PCSK2: variants seen among roughly 807,000 people sequenced by gnomAD.
The protein encoded by PCSK2 is neuroendocrine convertase 2.
A neutral mutation model predicts 69.7 loss-of-function variants in PCSK2; 14 were observed. The ratio of observed to expected loss-of-function variants is 0.20; its 90% CI spans 0.13 to 0.31. The LOEUF (loss-of-function observed/expected upper bound fraction) is 0.31. Among genes scored for constraint, PCSK2 ranks in the 10% least tolerant of loss-of-function variants. The probability of loss-of-function intolerance (pLI) is 1.00; values close to 1 mark genes in which losing one functional copy is unlikely to be tolerated. For synonymous variants in PCSK2, 307 were observed against 320.7 expected, an observed-to-expected ratio of 0.96 and a Z score of 0.46; for missense variants, 544 against 842.5, an observed-to-expected ratio of 0.65 and a Z score of 4.39.
chr20:17,395,559 C>T (rs1402813205), intron 5 of PCSK2, among the ~76,000 whole-genome samples: 1 of 152,176 alleles, frequency 6.6e-6, no homozygotes, highest in Non-Finnish European at 1.5e-5. Context: ...ATTACATAAT[C>T]TCATGGAGAC....
intron 5 of PCSK2, among the ~76,000 whole-genome samples, chr20:17,387,876 G>T (rs897341782): frequency 1.6e-4 from 25 of 152,300 alleles, no homozygotes; most frequent in African/African-American, 6.0e-4. Context: ...AAATAATTAT[G>T]ATCTAGGTGC....
chr20:17,459,836 T>C (rs1161306677), intron 10 of PCSK2, among the ~76,000 whole-genome samples: 1 of 152,172 alleles, frequency 6.6e-6, no homozygotes, highest in African/African-American at 2.4e-5. Context: ...ATCTGTGAAC[T>C]AGGGTGTGAG....
chr20:17,473,371 G>A (rs369818513), intron 11 of PCSK2, among the ~76,000 whole-genome samples: 1 of 152,070 alleles, frequency 6.6e-6, no homozygotes, highest in Non-Finnish European at 1.5e-5. Flanking sequence ...GATTACAGGC[G>A]TGAGCCTCCG....
intron 11 of PCSK2, among the ~76,000 whole-genome samples, chr20:17,473,657 G>A (rs6075215): frequency 0.15 from 22,835 of 152,086 alleles, 2,028 homozygotes; most frequent in Middle Eastern, 0.21. Flanking sequence ...ATCAGAAAAT[G>A]CAAGTGAGCA....
At chr20:17,467,535 T>C (rs996924910) in intron 11 of PCSK2, among the ~76,000 whole-genome samples, 3 of 152,256 alleles carry the variant, frequency 2.0e-5, no homozygotes, top group African/African-American at 7.2e-5. Flanking sequence ...AGCTCTTTGA[T>C]GACAAAGTCC....
At position 17,456,410 on chromosome 20, in the gene PCSK2, C is replaced by T. The variant is rs574761340; in HGVS notation, c.1164C>T (p.Pro388=). The T allele has an allele frequency of 2.5e-5, 41 of 1,610,524 alleles. No homozygotes were observed. The Middle Eastern group carries it at 8.3e-4, about 32-fold the overall frequency. ...ATTCTGGGACATCTGCAGCTGCCCC[C>T]GAGGCAGCTGGTGTGTTTGCACTGG... ...LRHSGTSAAA[P]EAAGVFALAL... The change falls in exon 10 of 12, where the codon CCC becomes CCT. Residue 388 remains proline, a synonymous_variant. Coordinates refer to ENST00000262545, the MANE Select transcript of PCSK2 (RefSeq NM_002594.5).
intron 5 of PCSK2, among the ~76,000 whole-genome samples, chr20:17,406,907 A>G (rs1203897250): frequency 3.3e-5 from 5 of 151,980 alleles, no homozygotes; most frequent in Admixed American, 3.3e-4. Flanking sequence ...AGAGAGGGAG[A>G]CGGGGACCTA....
intron 2 of PCSK2, among the ~76,000 whole-genome samples, chr20:17,324,547 A>C (rs1450858378): frequency 6.6e-6 from 1 of 152,174 alleles, no homozygotes; most frequent in Admixed American, 6.5e-5. Flanking sequence ...CCCTACCATA[A>C]GAACCATCGA....
At chr20:17,475,676 T>C (rs1359429822) in intron 11 of PCSK2, among the ~76,000 whole-genome samples, 1 of 152,234 alleles carries the variant, frequency 6.6e-6, no homozygotes, top group Non-Finnish European at 1.5e-5. Flanking sequence ...TCTGTCACTA[T>C]GACTCCAGTC....
At chr20:17,412,984 G>A (rs1200000189) in intron 6 of PCSK2, among the ~76,000 whole-genome samples, 3 of 152,284 alleles carry the variant, frequency 2.0e-5, no homozygotes, top group East Asian at 1.9e-4. Flanking sequence ...CAAATGCTGA[G>A]AGATTTTGTC....
At chr20:17,295,499 T>A (rs1988861069) in intron 2 of PCSK2, among the ~76,000 whole-genome samples, 1 of 148,094 alleles carries the variant, frequency 6.8e-6, no homozygotes, top group Admixed American at 6.8e-5. Context: ...TTATTTATTA[T>A]TTATTTATTG....
chr20:17,468,673 T>G (rs934565956), intron 11 of PCSK2, among the ~76,000 whole-genome samples: 1 of 146,114 alleles, frequency 6.8e-6, no homozygotes, highest in Non-Finnish European at 1.5e-5. Flanking sequence ...TGGGCCAGTG[T>G]CCTCCTGTAG....
At chr20:17,287,110 A>G (rs574449771) in intron 2 of PCSK2, among the ~76,000 whole-genome samples, 31 of 152,268 alleles carry the variant, frequency 2.0e-4, no homozygotes, top group African/African-American at 7.2e-4. Context: ...TTTTGAGGGC[A>G]ATCTGCTTTA....
intron 2 of PCSK2, among the ~76,000 whole-genome samples, chr20:17,284,130 T>C (rs1280196435): frequency 6.6e-6 from 1 of 152,220 alleles, no homozygotes; most frequent in African/African-American, 2.4e-5. Flanking sequence ...CTCTGTCATC[T>C]TCTGAGTACT....
At chr20:17,311,528 G>C (rs1038724077) in intron 2 of PCSK2, among the ~76,000 whole-genome samples, 8 of 152,062 alleles carry the variant, frequency 5.3e-5, no homozygotes, top group African/African-American at 1.9e-4. Flanking sequence ...CCAAAAGTGG[G>C]TGATTTATCA....
At chr20:17,460,799 C>T (rs573265208) in intron 10 of PCSK2, among the ~76,000 whole-genome samples, 2 of 152,288 alleles carry the variant, frequency 1.3e-5, no homozygotes, top group Non-Finnish European at 2.9e-5. Flanking sequence ...TTTACTTTAA[C>T]TTCTGATATA....
rs1461693949 is a variant in PCSK2 at position 17,325,434 on chromosome 20, C to G, written c.283-32893C>G. On this transcript the variant is annotated intron_variant, in intron 2 of 11. Coordinates refer to ENST00000262545, the MANE Select transcript of PCSK2 (RefSeq NM_002594.5). ...GAAAGATGTTCTCTCATGACAGACA[C>G]TAAAATAACCCAATGGGGCGTGTGA... 2.0e-5 allele frequency among the ~76,000 whole-genome samples: 3 copies of G among 152,188 alleles called. No homozygotes were observed. The East Asian group carries it at 5.8e-4, about 29-fold the overall frequency.
intron 2 of PCSK2, among the ~76,000 whole-genome samples, chr20:17,324,572 G>A (rs949848171): frequency 6.6e-6 from 1 of 152,124 alleles, no homozygotes; most frequent in Non-Finnish European, 1.5e-5. Context: ...GGACACTCCT[G>A]CAGACCCTAG....
chr20:17,450,324 G>C (rs978154989), intron 8 of PCSK2, among the ~76,000 whole-genome samples: 2 of 152,040 alleles, frequency 1.3e-5, no homozygotes, highest in African/African-American at 2.4e-5. Flanking sequence ...CACCGCGCCC[G>C]GCTCTTCCTA....
Sources: allele counts gnomAD v4.1 joint callset (sites outside exome capture counted in the v4.1 genomes callset), GRCh38; gene constraint gnomAD v4.1.1; transcripts MANE v1.5; gene names NCBI Gene and HGNC (gene_info 2026-07-23, HGNC 2026-07-21).